The following PRKCZ variants were observed in gnomAD, a reference collection of about 807,000 sequenced individuals.
PRKCZ encodes the protein protein kinase C zeta type.
In PRKCZ, 33 loss-of-function variants were observed where a neutral mutation model predicts 79.5. The ratio of observed to expected loss-of-function variants is 0.41; its 90% CI spans 0.31 to 0.55. PRKCZ has a LOEUF of 0.55. PRKCZ is among the 20% of genes least tolerant of loss of function. The pLI is 0.19. For synonymous variants in PRKCZ, 342 were observed against 320.9 expected (o/e 1.07, Z -0.70); for missense variants, 578 against 813.5 (o/e 0.71, Z 3.52).
Position 2,173,614 on chromosome 1 carries a change from C to T in PRKCZ, c.1286-283C>T, listed in dbSNP as rs1253048481. On this transcript the variant is annotated intron_variant, in intron 13 of 17. Coordinates refer to ENST00000378567, the MANE Select transcript of PRKCZ (RefSeq NM_002744.6). The surrounding 1 kb of genome is among the most constrained non-coding windows in gnomAD (Gnocchi z 5.7). ...GAGGAGGGTCGTCCGCAGGTTCCAC[C>T]AGTGCCTCGTGCCGGTGTGGTCACA... 6.6e-6 allele frequency among the ~76,000 whole-genome samples: 1 copy of T among 152,234 alleles called. No individual in the cohort carries two copies. The highest frequency in any genetic ancestry group is 1.5e-5 in the Non-Finnish European group (1 of 68,042).
Position 2,172,516 on chromosome 1 carries a change from G to A in PRKCZ, c.1285+128G>A. ...CAAAAGCCACACACTGTCTTTCCCAGCCGGATGTCATCATCTGGCCTCAGC... is the reference window on the plus strand; with the variant it reads ...CAAAAGCCACACACTGTCTTTCCCAACCGGATGTCATCATCTGGCCTCAGC... On this transcript the variant is annotated intron_variant, in intron 13 of 17. Transcript: ENST00000378567. This position sits in a 1 kb window ranked among gnomAD's most constrained non-coding sequence, Gnocchi z 7.8. 1 of 1,082,408 alleles carries A rather than the reference G, an allele frequency of 9.2e-7. No individual in the cohort carries two copies. The allele number at this position is 1,082,408 out of a possible 1,614,324, so 67.1% of individuals were successfully genotyped here.
At chr1:2,158,041 G>A (rs1311757144) in intron 10 of PRKCZ, among the ~76,000 whole-genome samples, 3 of 152,172 alleles carry the variant, frequency 2.0e-5, no homozygotes, top group South Asian at 2.1e-4. Flanking sequence ...TCTCCTGACC[G>A]CAGGGTCCTG....
intron 10 of PRKCZ, among the ~76,000 whole-genome samples, chr1:2,159,791 A>G (rs2103339247): frequency 6.6e-6 from 1 of 152,356 alleles, no homozygotes; most frequent in Middle Eastern, 3.4e-3. Flanking sequence ...ATCTACACAG[A>G]CAGCCCACCT....
chr1:2,175,249 G>C lies in PRKCZ; in HGVS notation c.1511G>C (p.Arg504Pro), dbSNP rs145374413. 1 of 1,613,560 alleles carries C rather than the reference G, an allele frequency of 6.2e-7. No homozygotes were observed. Among genetic ancestry groups the C allele is most frequent in the Non-Finnish European group, 8.5e-7 (1 of 1,179,898 alleles). The change falls in exon 16 of 18, where the codon CGG becomes CCG. Residue 504 changes from arginine to proline, a missense_variant. Transcript: ENST00000378567. ...GACCCCAAAGAGAGGCTCGGCTGCC[G>C]GCCACAGACTGGATTTTCTGACATC... is the stretch of plus-strand genomic sequence containing the variant. Reference protein sequence around the residue: ...NKDPKERLGCRPQTGFSDIKS... With the variant: ...NKDPKERLGCPPQTGFSDIKS...
intron 2 of PRKCZ, chr1:2,055,867 G>T (rs1660111692): frequency 3.3e-6 from 1 of 301,326 alleles, no homozygotes; most frequent in Non-Finnish European, 6.1e-6. Flanking sequence ...TCATGTCCTG[G>T]CCTTTTTCGG....
intron 10 of PRKCZ, chr1:2,169,065 C>T (rs192837262): frequency 7.0e-5 from 31 of 444,300 alleles, no homozygotes; most frequent in South Asian, 3.0e-4. Flanking sequence ...GTGGACTCCT[C>T]AGCCTTGCAG....
intron 4 of PRKCZ, among the ~76,000 whole-genome samples, chr1:2,095,033 A>G (rs1666214333): frequency 6.6e-6 from 1 of 151,988 alleles, no homozygotes; most frequent in African/African-American, 2.4e-5. Flanking sequence ...CCAGCCCCCC[A>G]TGTGCTGCTC....
intron 3 of PRKCZ, among the ~76,000 whole-genome samples, chr1:2,058,240 T>C (rs1660362587): frequency 6.6e-6 from 1 of 151,774 alleles, no homozygotes; most frequent in Admixed American, 6.6e-5. Flanking sequence ...TGACCTTAGG[T>C]GATCTGCCTG....
chr1:2,069,241 G>A (rs562859636), intron 4 of PRKCZ, among the ~76,000 whole-genome samples: 5 of 152,282 alleles, frequency 3.3e-5, no homozygotes, highest in East Asian at 1.9e-4. Flanking sequence ...TGGCCTCTCC[G>A]GACCCAGCCC....
chr1:2,075,293 G>T lies in PRKCZ; in HGVS notation c.334+15702G>T, dbSNP rs908174695. ...TGCACAGCTGGCACGATCCCTTGCG[G>T]TGTGAATACACTGCTGGGGTGGGAG... On this transcript the variant is annotated intron_variant, in intron 4 of 17. Coordinates refer to ENST00000378567, the MANE Select transcript of PRKCZ (RefSeq NM_002744.6). The surrounding 1 kb of genome is among the most constrained non-coding windows in gnomAD (Gnocchi z 4.8). The T allele has an allele frequency of 2.0e-5, 3 of 152,266 alleles. No individual in the cohort carries two copies. The highest frequency in any genetic ancestry group is 4.4e-5 in the Non-Finnish European group (3 of 68,092). The allele number at this position is 152,266 out of a possible 1,614,324, so 9.4% of individuals were successfully genotyped here.
At chr1:2,146,194 C>A in intron 7 of PRKCZ, 86 bp downstream of exon 7, 1 of 1,315,410 alleles carries the variant, frequency 7.6e-7, no homozygotes, top group South Asian at 1.2e-5. Context: ...AGTCCTTTCT[C>A]AGTCCCATCT....
intron 4 of PRKCZ, among the ~76,000 whole-genome samples, chr1:2,100,166 C>G (rs1316398599): frequency 1.3e-5 from 2 of 152,244 alleles, no homozygotes; most frequent in African/African-American, 4.8e-5. Flanking sequence ...CCACCACCCC[C>G]AAATGCATAC....
At position 2,174,700 on chromosome 1, in the gene PRKCZ, CTGGGCAAA is replaced by C. The variant is rs1281406619; in HGVS notation, c.1406-50_1406-43del. 4.4e-5 allele frequency: 70 copies of C among 1,575,096 alleles called. No individual in the cohort carries two copies. The highest frequency in any genetic ancestry group is 5.8e-5 in the Non-Finnish European group (66 of 1,146,992). On this transcript the variant is annotated intron_variant, in intron 14 of 17. Coordinates refer to ENST00000378567, the MANE Select transcript of PRKCZ (RefSeq NM_002744.6). This position sits in a 1 kb window ranked among gnomAD's most constrained non-coding sequence, Gnocchi z 6.2. ...GCTCAGAGTCAGAGTCTGGGCGGCA[CTGGGCAAA>C]TGGCACACAACACAGGCAAGTCCTC... is the stretch of plus-strand genomic sequence containing the variant.
chr1:2,061,736 T>C (rs902249224), intron 4 of PRKCZ, among the ~76,000 whole-genome samples: 15 of 152,266 alleles, frequency 9.9e-5, no homozygotes, highest in African/African-American at 3.6e-4. Context: ...ATGGCGCTAG[T>C]GTCAGGAGTG....
At chr1:2,176,775 C>G (rs1685578520) in intron 16 of PRKCZ, among the ~76,000 whole-genome samples, 1 of 152,218 alleles carries the variant, frequency 6.6e-6, no homozygotes, top group Non-Finnish European at 1.5e-5. Context: ...AGTCGAAGGC[C>G]TTGCTTTGCC....
chr1:2,104,945 T>G (rs1668120270), intron 4 of PRKCZ: 1 of 984,810 alleles, frequency 1.0e-6, no homozygotes, highest in Non-Finnish European at 1.2e-6. Flanking sequence ...CCAGGCCTTT[T>G]ATTCAGGAGG....
intron 4 of PRKCZ, among the ~76,000 whole-genome samples, chr1:2,107,323 G>A (rs1048976025): frequency 6.6e-6 from 1 of 152,218 alleles, no homozygotes; most frequent in East Asian, 1.9e-4. Context: ...CCTGAGGCAG[G>A]TCCTGCTCCA....
At chr1:2,155,141 GTGA>G (rs1453620475) in intron 9 of PRKCZ, among the ~76,000 whole-genome samples, 6 of 151,912 alleles carry the variant, frequency 3.9e-5, no homozygotes, top group East Asian at 3.9e-4. Context: ...GACGATGATG[GTGA>G]TGATGGTGAT....
In PRKCZ at chr1:2,082,276, G is replaced by A. The variant is rs891721342; in HGVS notation, c.334+22685G>A. On this transcript the variant is annotated intron_variant, in intron 4 of 17. Transcript: ENST00000378567. This position sits in a 1 kb window ranked among gnomAD's most constrained non-coding sequence, Gnocchi z 4.4. ...TGGCAAGAGGGAGGCTCCGTGGCAC[G>A]ATCACACGTGCAGGAGCTGGGGGCT... 8 of 425,532 alleles carry A rather than the reference G, an allele frequency of 1.9e-5. No individual in the cohort carries two copies. The highest frequency in any genetic ancestry group is 2.8e-5 in the Non-Finnish European group (6 of 212,168). 26.4% of individuals were successfully genotyped at this position (425,532 alleles called of 1,614,324 possible).
Sources: allele counts gnomAD v4.1 joint callset (sites outside exome capture counted in the v4.1 genomes callset), GRCh38; gene constraint gnomAD v4.1.1; non-coding constraint Gnocchi (gnomAD v3.1); transcripts MANE v1.5; gene names NCBI Gene and HGNC (gene_info 2026-07-23, HGNC 2026-07-21).